The following DNAH14 variants were observed in gnomAD, a reference collection of about 807,000 sequenced individuals.
DNAH14 encodes dynein axonemal heavy chain 14.
DNAH14 carries 478 observed loss-of-function variants against 520.9 expected under a neutral mutation model. The ratio of observed to expected loss-of-function variants is 0.92; its 90% CI spans 0.85 to 0.99. The LOEUF (loss-of-function observed/expected upper bound fraction) is 0.99. Among genes scored for constraint, DNAH14 ranks in the 50% least tolerant of loss-of-function variants. DNAH14 has a pLI of 0.00. For synonymous variants in DNAH14, 1,581 were observed against 1,757.2 expected (o/e 0.90, Z 2.51); for missense variants, 4,831 against 5,234.5 (o/e 0.92, Z 2.38).
At chr1:224,942,697 C>G (rs1329591877) in intron 1 of DNAH14, among the ~76,000 whole-genome samples, 1 of 151,882 alleles carries the variant, frequency 6.6e-6, no homozygotes, top group African/African-American at 2.4e-5. Context: ...CTAATTTATT[C>G]AGAGTTTTTA....
At chr1:225,167,579 A>G (rs1164607935) in intron 35 of DNAH14, among the ~76,000 whole-genome samples, 1 of 152,204 alleles carries the variant, frequency 6.6e-6, no homozygotes, top group East Asian at 1.9e-4. Flanking sequence ...AGAATTACAA[A>G]AAGGTCTACA....
Position 224,960,225 on chromosome 1 carries a change from A to G in DNAH14, c.290A>G (p.Lys97Arg), listed in dbSNP as rs377514534. ...PEPASLKEKG[K>R]SRRKKDQTHA... ...CCAGCTTCCCTTAAGGAGAAAGGGA[A>G]GTCAAGGAGAAAAAAGGATCAAACT... Residue 97 changes from lysine to arginine, a missense_variant, in exon 4 of 86, where the codon AAG (lysine) becomes AGG (arginine). Transcript: ENST00000682510. 42 of 1,611,756 alleles carry G rather than the reference A, an allele frequency of 2.6e-5. No homozygotes were observed. Among genetic ancestry groups the G allele is most frequent in the Non-Finnish European group, 3.2e-5 (38 of 1,178,928 alleles).
chr1:225,353,878 G>T lies in DNAH14; in HGVS notation c.11609G>T (p.Arg3870Ile). 2 of 1,472,718 alleles carry T rather than the reference G, an allele frequency of 1.4e-6. No homozygotes were observed. Among genetic ancestry groups the T allele is most frequent in the South Asian group, 2.5e-5 (2 of 79,966 alleles). 91.2% of individuals were successfully genotyped at this position (1,472,718 alleles called of 1,614,324 possible). The change falls in exon 73 of 86, where the codon AGA (arginine) becomes ATA (isoleucine). Residue 3870 changes from arginine (R) to isoleucine (I), a missense_variant. Transcript: ENST00000682510. ...FPWEKLTSFQ[R>I]LILVKVLRPE... ...TGGGAGAAACTCACTTCATTTCAAAGACTTATTTTGGTAAGATATCTTATG... is the reference window on the plus strand; with the variant it reads ...TGGGAGAAACTCACTTCATTTCAAATACTTATTTTGGTAAGATATCTTATG...
intron 8 of DNAH14, among the ~76,000 whole-genome samples, chr1:224,975,710 T>C (rs1348533316): frequency 2.0e-5 from 3 of 151,400 alleles, no homozygotes; most frequent in Non-Finnish European, 1.5e-5. Context: ...GAAGGGTTTC[T>C]TGTGTCTCTA....
chr1:225,097,506 A>C (rs984595435), intron 22 of DNAH14, among the ~76,000 whole-genome samples: 2 of 152,028 alleles, frequency 1.3e-5, no homozygotes, highest in Non-Finnish European at 2.9e-5. Context: ...GGGCACGTTC[A>C]CTCACGCCTG....
At chr1:224,944,859 T>A (rs2059686903) in intron 1 of DNAH14, among the ~76,000 whole-genome samples, 1 of 152,246 alleles carries the variant, frequency 6.6e-6, no homozygotes, top group Non-Finnish European at 1.5e-5. Context: ...TGCTGAGAGA[T>A]CAGCTGTTAG....
At chr1:225,079,745 C>T (rs1234425024) in intron 18 of DNAH14, among the ~76,000 whole-genome samples, 197 bp downstream of exon 18, 1 of 144,096 alleles carries the variant, frequency 6.9e-6, no homozygotes, top group Non-Finnish European at 1.5e-5. Context: ...GCAATCTCGG[C>T]TCACTGCAAG....
chr1:225,353,056 C>T (rs2095389046), intron 72 of DNAH14, among the ~76,000 whole-genome samples: 1 of 152,014 alleles, frequency 6.6e-6, no homozygotes, highest in African/African-American at 2.4e-5. Flanking sequence ...CCATTTATAA[C>T]TATACCTTCA....
intron 17 of DNAH14, among the ~76,000 whole-genome samples, chr1:225,070,886 T>C (rs2071473394): frequency 6.6e-6 from 1 of 152,234 alleles, no homozygotes; most frequent in Non-Finnish European, 1.5e-5. Flanking sequence ...CACATATATT[T>C]AGGATAGTTA....
intron 66 of DNAH14, among the ~76,000 whole-genome samples, chr1:225,335,848 CATAT>C (rs1558437443): frequency 1.8e-5 from 2 of 110,664 alleles, no homozygotes; most frequent in African/African-American, 7.8e-5. Flanking sequence ...TGTACATACA[CATAT>C]GTACATATAT....
Position 225,206,094 on chromosome 1 carries a change from CTAAT to C in DNAH14, c.6102_6105del (p.Asn2035LysfsTer2). ...GCAAACAGTGAGAGAATAGCTTTAA[CTAAT>C]AAAATAAGAGTGATTTTTGAAGTGG... On this transcript the variant is annotated frameshift_variant, in exon 40 of 86. Transcript: ENST00000682510. LOFTEE classifies it high-confidence loss of function. The C allele has an allele frequency of 6.4e-7, 1 of 1,551,464 alleles. No individual in the cohort carries two copies. Among genetic ancestry groups the C allele is most frequent in the Non-Finnish European group, 8.7e-7 (1 of 1,146,814 alleles).
intron 84 of DNAH14, chr1:225,396,016 A>T (rs988190284): frequency 1.3e-5 from 2 of 152,156 alleles, no homozygotes; most frequent in Admixed American, 6.5e-5. Context: ...ATACATGAAG[A>T]ACTAGACTCT....
chr1:225,252,493 T>A, intron 44 of DNAH14, 76 bp downstream of exon 44: 1 of 787,052 alleles, frequency 1.3e-6, no homozygotes, highest in Non-Finnish European at 2.0e-6. Flanking sequence ...TAATTATATC[T>A]ACTCTATTTA....
At chr1:225,185,009 T>A (rs972378267) in intron 36 of DNAH14, among the ~76,000 whole-genome samples, 1 of 151,942 alleles carries the variant, frequency 6.6e-6, no homozygotes, top group Non-Finnish European at 1.5e-5. Flanking sequence ...CTGTACCTGT[T>A]ATTAAAATAA....
intron 42 of DNAH14, among the ~76,000 whole-genome samples, chr1:225,233,248 A>G (rs887930794): frequency 6.6e-6 from 1 of 152,120 alleles, no homozygotes; most frequent in Admixed American, 6.6e-5. Flanking sequence ...TGCTATTGTG[A>G]ATTGTGCTGC....
intron 49 of DNAH14, among the ~76,000 whole-genome samples, chr1:225,269,144 G>C (rs2093227606): frequency 6.6e-6 from 1 of 152,100 alleles, no homozygotes; most frequent in Non-Finnish European, 1.5e-5. Flanking sequence ...TAGACCAATG[G>C]AACAGAACAG....
At chr1:224,935,695 C>T (rs1316449272) in intron 1 of DNAH14, among the ~76,000 whole-genome samples, 2 of 151,842 alleles carry the variant, frequency 1.3e-5, no homozygotes, top group Non-Finnish European at 3.0e-5. Context: ...TAGATTAGAA[C>T]TGGACTTGAG....
At chr1:224,936,691 A>G (rs1326427661) in intron 1 of DNAH14, among the ~76,000 whole-genome samples, 3 of 151,964 alleles carry the variant, frequency 2.0e-5, no homozygotes, top group Non-Finnish European at 4.4e-5. Flanking sequence ...AAAAGTGAAG[A>G]GGAGGGAGTA....
chr1:225,002,103 C>T (rs892653175), intron 8 of DNAH14, among the ~76,000 whole-genome samples: 1 of 152,122 alleles, frequency 6.6e-6, no homozygotes, highest in Non-Finnish European at 1.5e-5. Context: ...AAATCAGCCA[C>T]TCCAAAGGGA....
Sources: gnomAD v4.1 joint callset for allele counts (sites outside exome capture counted in the v4.1 genomes callset) on GRCh38, gnomAD v4.1.1 for gene constraint, MANE v1.5 for transcripts, NCBI Gene and HGNC (gene_info 2026-07-23, HGNC 2026-07-21) for gene names.